The following FHIT variants were observed in gnomAD, a reference collection of about 807,000 sequenced individuals.
FHIT encodes fragile histidine triad diadenosine triphosphatase.
A neutral mutation model predicts 17.9 loss-of-function variants in FHIT; 19 were observed. That is an observed-to-expected ratio of 1.06 (90% CI 0.74 to 1.56). The LOEUF is 1.56. FHIT is among the 40% of genes most tolerant of loss of function. The probability of loss-of-function intolerance (pLI) is 0.00; values close to 1 mark genes in which losing one functional copy is unlikely to be tolerated. For synonymous variants in FHIT, 81 were observed against 69.7 expected, an observed-to-expected ratio of 1.16 and a Z score of -0.81; for missense variants, 248 against 189.2, an observed-to-expected ratio of 1.31 and a Z score of -1.82.
intron 5 of FHIT, among the ~76,000 whole-genome samples, chr3:60,048,512 G>A (rs1016954699): frequency 5.3e-5 from 8 of 152,110 alleles, no homozygotes; most frequent in Non-Finnish European, 7.3e-5. Context: ...CTACAAATGC[G>A]GTCACATTCT....
chr3:60,067,885 G>T (rs1031755951), intron 5 of FHIT, among the ~76,000 whole-genome samples: 1 of 152,132 alleles, frequency 6.6e-6, no homozygotes, highest in Non-Finnish European at 1.5e-5. Context: ...ATGGTTTGAG[G>T]AGCCTCAAGT....
At chr3:59,776,549 G>A (rs1265280261) in intron 8 of FHIT, among the ~76,000 whole-genome samples, 1 of 152,178 alleles carries the variant, frequency 6.6e-6, no homozygotes, top group African/African-American at 2.4e-5. Flanking sequence ...AAACAGCAGG[G>A]AAAGGGGAGA....
intron 8 of FHIT, among the ~76,000 whole-genome samples, chr3:59,896,932 G>C (rs1704097537): frequency 6.6e-6 from 1 of 152,118 alleles, no homozygotes; most frequent in South Asian, 2.1e-4. Context: ...CCAGAAACAT[G>C]TTAGCAACGA....
At chr3:60,214,761 A>G (rs956563572) in intron 5 of FHIT, among the ~76,000 whole-genome samples, 3 of 152,210 alleles carry the variant, frequency 2.0e-5, no homozygotes, top group South Asian at 4.1e-4. Context: ...CACGGAATCA[A>G]CCAAGATGCC....
At position 61,015,272 on chromosome 3, in the gene FHIT, G is replaced by A. The variant is rs564318052; in HGVS notation, c.-111+26775C>T. 2.6e-5 allele frequency among the ~76,000 whole-genome samples: 4 copies of A among 152,210 alleles called. No individual in the cohort carries two copies. In the South Asian group the frequency reaches 8.3e-4, roughly 32 times the overall value. On this transcript the variant is annotated intron_variant, in intron 3 of 9. Transcript: ENST00000492590. The stretch of plus-strand genomic sequence containing the variant: ...AGAAAACCTTCTGCAGATTCGAAGG[G>A]GGATTTTTTTTTATCCCTCTGACCA...
Position 60,783,061 on chromosome 3 carries a change from C to T in FHIT, c.-18+38858G>A, listed in dbSNP as rs554431425. Among the ~76,000 whole-genome samples the T allele has an allele frequency of 7.2e-5, 11 of 152,246 alleles. 1 individual carries two copies. Among genetic ancestry groups the T allele is most frequent in the Middle Eastern group, 3.4e-3 (1 of 294 alleles). On this transcript the variant is annotated intron_variant, in intron 4 of 9. Coordinates refer to ENST00000492590, the MANE Select transcript of FHIT (RefSeq NM_002012.4). Reference sequence around the variant, plus strand: ...GTAGTGGCACAATGTCAGCTCACTGCAGCCTCAACTTCCCCAGACTCAAGT... The same window carrying T: ...GTAGTGGCACAATGTCAGCTCACTGTAGCCTCAACTTCCCCAGACTCAAGT...
chr3:60,660,494 C>G (rs1446363866), intron 4 of FHIT, among the ~76,000 whole-genome samples: 1 of 151,992 alleles, frequency 6.6e-6, no homozygotes, highest in African/African-American at 2.4e-5. Context: ...AAATTAAAAG[C>G]CTTCAATAGA....
intron 7 of FHIT, among the ~76,000 whole-genome samples, chr3:59,976,400 CACAAACAA>C (rs577761513): frequency 1.3e-5 from 2 of 151,948 alleles, no homozygotes; most frequent in Non-Finnish European, 2.9e-5. Context: ...ATACAAAAAA[CACAAACAA>C]ACAAACAAAC....
chr3:60,910,168 C>T (rs1706661357), intron 3 of FHIT, among the ~76,000 whole-genome samples: 1 of 152,118 alleles, frequency 6.6e-6, no homozygotes, highest in Non-Finnish European at 1.5e-5. Context: ...TCAATCTAAC[C>T]AATCAAAATC....
At chr3:59,777,637 G>A (rs540035627) in intron 8 of FHIT, among the ~76,000 whole-genome samples, 1 of 152,212 alleles carries the variant, frequency 6.6e-6, no homozygotes, top group African/African-American at 2.4e-5. Flanking sequence ...CTTTAATCCA[G>A]CCAGGGAGTG....
rs192920326 is a variant in FHIT, at chr3:60,218,940, C to T, written c.104-204788G>A. ...TCCTGCTTCTAAACAAAGGTAAGGG[C>T]CACCCAGTCAATGCTTTGTATTCTT... On this transcript the variant is annotated intron_variant, in intron 5 of 9. Transcript: ENST00000492590. Among the ~76,000 whole-genome samples, 3 of 152,136 alleles carry T rather than the reference C, an allele frequency of 2.0e-5. No homozygotes were observed. The East Asian group carries it at 5.8e-4, about 29-fold the overall frequency.
chr3:59,802,061 GT>G (rs1700015469), intron 8 of FHIT, among the ~76,000 whole-genome samples: 2 of 152,194 alleles, frequency 1.3e-5, no homozygotes, highest in Non-Finnish European at 2.9e-5. Context: ...TCACCTTGGT[GT>G]AGTATATGCC....
intron 4 of FHIT, among the ~76,000 whole-genome samples, chr3:60,546,502 T>C (rs1576851457): frequency 1.3e-5 from 2 of 152,210 alleles, no homozygotes; most frequent in Admixed American, 1.3e-4. Context: ...TTTCAAATAA[T>C]GCTTTATATG....
chr3:60,993,996 C>T (rs2030468504), intron 3 of FHIT, among the ~76,000 whole-genome samples: 1 of 152,060 alleles, frequency 6.6e-6, no homozygotes, highest in Admixed American at 6.6e-5. Flanking sequence ...AAAATACACA[C>T]AGGATTTCAG....
chr3:60,672,008 G>A (rs2040517228), intron 4 of FHIT, among the ~76,000 whole-genome samples: 1 of 151,986 alleles, frequency 6.6e-6, no homozygotes, highest in African/African-American at 2.4e-5. Flanking sequence ...ATTATGATAT[G>A]TCCCTCTTTA....
chr3:61,044,278 A>T (rs1575901361), intron 2 of FHIT, among the ~76,000 whole-genome samples: 1 of 152,204 alleles, frequency 6.6e-6, no homozygotes, highest in South Asian at 2.1e-4. Flanking sequence ...CAGTGTAGAG[A>T]AGTCCTTAAA....
At chr3:60,368,521 T>C (rs1374561645) in intron 5 of FHIT, among the ~76,000 whole-genome samples, 1 of 152,056 alleles carries the variant, frequency 6.6e-6, no homozygotes. Context: ...TATGAAGCAT[T>C]TTAGAAATAT....
intron 8 of FHIT, among the ~76,000 whole-genome samples, chr3:59,759,855 A>G (rs1575610580): frequency 6.6e-6 from 1 of 152,098 alleles, no homozygotes; most frequent in Admixed American, 6.5e-5. Context: ...ATGGTCTTGG[A>G]CCACAAACCT....
Position 60,030,458 on chromosome 3 carries a change from C to T in FHIT, c.104-16306G>A, listed in dbSNP as rs143726578. Among the ~76,000 whole-genome samples the T allele has an allele frequency of 4.8e-3, 735 of 152,272 alleles. 13 individuals carry two copies. The highest frequency in any genetic ancestry group is 0.017 in the African/African-American group (711 of 41,560). On this transcript the variant is annotated intron_variant, in intron 5 of 9. Coordinates refer to ENST00000492590, the MANE Select transcript of FHIT (RefSeq NM_002012.4). ...CCAGCATATGGAGCCCAGGTTAGGA[C>T]AGATGTCACCTCTTAGTAGACTTAT... is the stretch of plus-strand genomic sequence containing the variant.
Sources: gnomAD v4.1 joint callset for allele counts (sites outside exome capture counted in the v4.1 genomes callset) on GRCh38, gnomAD v4.1.1 for gene constraint, MANE v1.5 for transcripts, NCBI Gene and HGNC (gene_info 2026-07-23, HGNC 2026-07-21) for gene names.